Variants in ZNF292 observed in about 807,000 individuals in gnomAD.
ZNF292 encodes the protein zinc finger protein 292, also known as 16 zinc-finger domain protein.
In ZNF292, 26 loss-of-function variants were observed where a neutral mutation model predicts 217.9. The observed-to-expected ratio is 0.12, with a 90% confidence interval of 0.09 to 0.17. The LOEUF is 0.17. Ranked by LOEUF, ZNF292 falls within the 10% of genes least tolerant of loss-of-function variation. The pLI is 1.00. For missense variants in ZNF292, 2,904 were observed against 3,175.2 expected (o/e 0.91, Z 2.05); for synonymous variants, 1,257 against 1,124.1 (o/e 1.12, Z -2.37).
At chr6:87,226,286 C>A (rs1773338952) in intron 4 of ZNF292, among the ~76,000 whole-genome samples, 1 of 152,012 alleles carries the variant, frequency 6.6e-6, no homozygotes, top group Admixed American at 6.6e-5. Context: ...ACAAATCATT[C>A]ATGGTTTTGT....
chr6:87,200,218 A>T (rs1344699036), intron 1 of ZNF292, among the ~76,000 whole-genome samples: 3 of 152,188 alleles, frequency 2.0e-5, no homozygotes, highest in Admixed American at 2.0e-4. Flanking sequence ...TGAGCCATGT[A>T]TTTACCTTCA....
chr6:87,247,076 G>A (rs1056213415), intron 7 of ZNF292, among the ~76,000 whole-genome samples: 1 of 151,842 alleles, frequency 6.6e-6, no homozygotes, highest in Admixed American at 6.6e-5. Context: ...AATCGCTTGA[G>A]CCCAGGAGGT....
rs1383284164 is a variant in ZNF292 at position 87,200,939 on chromosome 6, G to A, written c.169-14964G>A. Among the ~76,000 whole-genome samples the A allele has an allele frequency of 2.0e-5, 3 of 152,132 alleles. No homozygotes were observed. In the East Asian group the frequency reaches 5.8e-4, roughly 29 times the overall value. On this transcript the variant is annotated intron_variant, in intron 1 of 7. Coordinates refer to ENST00000369577, the MANE Select transcript of ZNF292 (RefSeq NM_015021.3). ...GCTACTGAAATAACTACTGCACTGG[G>A]CCGTTTGCCAGGGATGGTAGCCTGA... is the stretch of plus-strand genomic sequence containing the variant.
rs115805232 is a variant in ZNF292, at chr6:87,193,638, C to T, written c.169-22265C>T. On this transcript the variant is annotated intron_variant, in intron 1 of 7. Coordinates refer to ENST00000369577, the MANE Select transcript of ZNF292 (RefSeq NM_015021.3). ...TCAACTGTAATGTATCTTTTCTGCA[C>T]GTGCATACTCAGATTCCCACACAAG... is the stretch of plus-strand genomic sequence containing the variant. Among the ~76,000 whole-genome samples the T allele has an allele frequency of 6.3e-3, 953 of 152,214 alleles. 8 individuals carry two copies. The highest frequency in any genetic ancestry group is 0.018 in the African/African-American group (755 of 41,524).
chr6:87,215,088 T>C (rs1475189563), intron 1 of ZNF292: 1 of 151,638 alleles, frequency 6.6e-6, no homozygotes, highest in African/African-American at 2.4e-5. Context: ...TTCTGTGTTA[T>C]AAAAACATTT....
At chr6:87,192,632 C>G (rs1771850852) in intron 1 of ZNF292, among the ~76,000 whole-genome samples, 1 of 152,062 alleles carries the variant, frequency 6.6e-6, no homozygotes. Context: ...TAGATACATC[C>G]ACACATATAG....
chr6:87,192,386 G>A (rs1042984921), intron 1 of ZNF292, among the ~76,000 whole-genome samples: 2 of 151,456 alleles, frequency 1.3e-5, no homozygotes, highest in East Asian at 1.9e-4. Context: ...TAACCCTAGC[G>A]AAAATAACTT....
chr6:87,200,702 T>A (rs1306254762), intron 1 of ZNF292, among the ~76,000 whole-genome samples: 1 of 152,192 alleles, frequency 6.6e-6, no homozygotes, highest in African/African-American at 2.4e-5. Context: ...ATCAGAATGC[T>A]ACAAAGAGAG....
At position 87,260,643 on chromosome 6, in the gene ZNF292, A is replaced by T. The variant is rs762468359; in HGVS notation, c.7014A>T (p.Lys2338Asn). The change falls in exon 8 of 8, where the codon AAA becomes AAT. Residue 2338 changes from lysine (K) to asparagine (N), a missense_variant. By Grantham distance (94) the Lys-to-Asn change is moderately conservative. Coordinates refer to ENST00000369577, the MANE Select transcript of ZNF292 (RefSeq NM_015021.3). ...TGCCCAAGACCAAACGAAAGAAAAA[A>T]AATAATTTAGAAAACAAGAATGCAA... The part of the protein sequence containing the change: ...IKMPKTKRKK[K>N]NNLENKNAKI... 6.2e-7 allele frequency: 1 copy of T among 1,612,594 alleles called. No individual in the cohort carries two copies. The highest frequency in any genetic ancestry group is 1.1e-5 in the South Asian group (1 of 90,814).
rs1246732255 is a variant in ZNF292 at position 87,264,156 on chromosome 6, C to CT, written c.*2356dup. On this transcript the variant is annotated 3_prime_UTR_variant, in exon 8 of 8. Coordinates refer to ENST00000369577, the MANE Select transcript of ZNF292 (RefSeq NM_015021.3). ...TAAATTTTGATACGGAATGTAATGT[C>CT]TAAGTATTAAAAAATCATAAAATAT... 3 of 151,966 alleles carry CT rather than the reference C, an allele frequency of 2.0e-5. No individual in the cohort carries two copies. Among genetic ancestry groups the CT allele is most frequent in the Non-Finnish European group, 4.4e-5 (3 of 68,004 alleles). 9.4% of individuals were successfully genotyped at this position (151,966 alleles called of 1,614,324 possible).
At chr6:87,222,337 T>C (rs1208759542) in intron 4 of ZNF292, among the ~76,000 whole-genome samples, 2 of 152,164 alleles carry the variant, frequency 1.3e-5, no homozygotes, top group African/African-American at 4.8e-5. Context: ...TGATTATTAT[T>C]GTTTTATCAA....
chr6:87,256,858 C>A lies in ZNF292; in HGVS notation c.3229C>A (p.Gln1077Lys). The A allele has an allele frequency of 6.2e-7, 1 of 1,613,820 alleles. No homozygotes were observed. The highest frequency in any genetic ancestry group is 2.2e-5 in the East Asian group (1 of 44,882). ...TLESIAFVPP[Q>K]SDLSNSLGTP... ...AGAAAGTATTGCATTTGTTCCACCG[C>A]AGTCCGACCTAAGTAATTCATTAGG... is the stretch of plus-strand genomic sequence containing the variant. The change falls in exon 8 of 8, where the codon CAG (glutamine) becomes AAG (lysine). Residue 1077 changes from glutamine to lysine, a missense_variant. Around this residue, in one of 15 missense-constraint regions of ZNF292, gnomAD observed 687 missense variants for 623.0 expected, o/e 1.10. Coordinates refer to ENST00000369577, the MANE Select transcript of ZNF292 (RefSeq NM_015021.3).
intron 4 of ZNF292, among the ~76,000 whole-genome samples, chr6:87,229,421 T>C (rs1414516208): frequency 6.6e-6 from 1 of 152,078 alleles, no homozygotes; most frequent in African/African-American, 2.4e-5. Flanking sequence ...GCTGAATTGT[T>C]TCTTTCTTTC....
rs150414094 is a variant in ZNF292, at chr6:87,264,057, G to A, written c.*2256G>A. The A allele has an allele frequency of 1.1e-3, 171 of 151,760 alleles. No homozygotes were observed. Among genetic ancestry groups the A allele is most frequent in the African/African-American group, 4.0e-3 (166 of 41,348 alleles). 9.4% of individuals were successfully genotyped at this position (151,760 alleles called of 1,614,324 possible). ...ATGTATACTAAAGGTAATTATGAGA[G>A]TGGGCTTTTTAGCATGAAACAAAAA... On this transcript the variant is annotated 3_prime_UTR_variant, in exon 8 of 8. Coordinates refer to ENST00000369577, the MANE Select transcript of ZNF292 (RefSeq NM_015021.3).
intron 1 of ZNF292, among the ~76,000 whole-genome samples, chr6:87,157,381 GATTT>G (rs1441286205): frequency 6.6e-6 from 1 of 152,088 alleles, no homozygotes; most frequent in Non-Finnish European, 1.5e-5. Flanking sequence ...GGTCTTTAAA[GATTT>G]ATTTTAGAGA....
chr6:87,206,653 A>G (rs534178702), intron 1 of ZNF292, among the ~76,000 whole-genome samples: 1 of 152,334 alleles, frequency 6.6e-6, no homozygotes, highest in Admixed American at 6.5e-5. Context: ...ATTTGTCCCA[A>G]TAATATTCTC....
rs1284798280 is a variant in ZNF292, at chr6:87,264,663, G to A, written c.*2862G>A. On this transcript the variant is annotated 3_prime_UTR_variant, in exon 8 of 8. Coordinates refer to ENST00000369577, the MANE Select transcript of ZNF292 (RefSeq NM_015021.3). ...GGGGGTAGAGCGTAATTGCGGTATT[G>A]CCAGTGGGCCACTTGGAAAGATAGG... Among the ~76,000 whole-genome samples the A allele has an allele frequency of 6.6e-6, 1 of 152,180 alleles. No individual in the cohort carries two copies. Among genetic ancestry groups the A allele is most frequent in the Non-Finnish European group, 1.5e-5 (1 of 68,032 alleles).
At position 87,260,358 on chromosome 6, in the gene ZNF292, T is replaced by C. The variant is rs779069156; in HGVS notation, c.6729T>C (p.Ile2243=). ...TTCATCTAGAGGCAGACCACGGGAT[T>C]GGACTAAGGGCAAGTAAAACAGAAG... ...YVVHLEADHG[I]GLRASKTEED... is the part of the protein sequence containing the mutation. The change falls in exon 8 of 8, where the codon ATT becomes ATC. Residue 2243 remains isoleucine, a synonymous_variant. Transcript: ENST00000369577. 6 of 1,613,470 alleles carry C rather than the reference T, an allele frequency of 3.7e-6. No homozygotes were observed. The highest frequency in any genetic ancestry group is 5.1e-6 in the Non-Finnish European group (6 of 1,179,540).
At chr6:87,238,458 C>A (rs1259957963) in intron 5 of ZNF292, among the ~76,000 whole-genome samples, 5 of 150,612 alleles carry the variant, frequency 3.3e-5, no homozygotes, top group Admixed American at 2.0e-4. Flanking sequence ...TGCACTCCAG[C>A]CTGGGTGATT....
Sources: allele counts gnomAD v4.1 joint callset (sites outside exome capture counted in the v4.1 genomes callset), GRCh38; gene constraint gnomAD v4.1.1; regional missense constraint gnomAD v4.1.1; transcripts MANE v1.5; gene names NCBI Gene and HGNC (gene_info 2026-07-23, HGNC 2026-07-21).